The following RUNX1T1 variants were observed in gnomAD, a reference collection of about 807,000 sequenced individuals.
RUNX1T1 encodes protein CBFA2T1.
RUNX1T1 carries 4 observed loss-of-function variants against 62.8 expected under a neutral mutation model. The ratio of observed to expected loss-of-function variants is 0.06; its 90% CI spans 0.03 to 0.15. RUNX1T1 has a LOEUF of 0.15. Among genes scored for constraint, RUNX1T1 ranks in the 10% least tolerant of loss-of-function variants. The pLI, the probability that RUNX1T1 is intolerant of heterozygous loss-of-function variation, is 1.00. For missense variants in RUNX1T1, 508 were observed against 754.3 expected (o/e 0.67, Z 3.82); for synonymous variants, 291 against 286.0 (o/e 1.02, Z -0.18).
chr8:92,077,257 G>A (rs1455040889), intron 1 of RUNX1T1, among the ~76,000 whole-genome samples: 1 of 151,954 alleles, frequency 6.6e-6, no homozygotes, highest in African/African-American at 2.4e-5. Context: ...TTCTTAGTTG[G>A]GAATTGCCTT....
chr8:91,998,077 A>C (rs1000172065), intron 5 of RUNX1T1, among the ~76,000 whole-genome samples: 6 of 152,156 alleles, frequency 3.9e-5, no homozygotes, highest in Non-Finnish European at 7.3e-5. Flanking sequence ...ATTGCCATAG[A>C]ATGACTAGAC....
At chr8:91,980,353 A>C (rs1252822623) in intron 8 of RUNX1T1, among the ~76,000 whole-genome samples, 2 of 152,222 alleles carry the variant, frequency 1.3e-5, no homozygotes, top group South Asian at 4.1e-4. Flanking sequence ...GCAAATATAC[A>C]CAGAATAACT....
At chr8:92,011,633 T>C (rs957502265) in intron 3 of RUNX1T1, among the ~76,000 whole-genome samples, 3 of 152,186 alleles carry the variant, frequency 2.0e-5, no homozygotes, top group Non-Finnish European at 4.4e-5. Flanking sequence ...TAGTGTGCTA[T>C]GCCAATAAAG....
chr8:92,037,405 C>T (rs139566886), intron 1 of RUNX1T1, among the ~76,000 whole-genome samples: 5 of 152,262 alleles, frequency 3.3e-5, no homozygotes, highest in East Asian at 1.9e-4. Context: ...TCATCAGGTG[C>T]GGTGACTCAT....
intron 1 of RUNX1T1, among the ~76,000 whole-genome samples, chr8:92,079,589 T>G (rs1834925099): frequency 6.6e-6 from 1 of 152,182 alleles, no homozygotes; most frequent in Non-Finnish European, 1.5e-5. Flanking sequence ...ATTATCCTAG[T>G]TTCACAAGCT....
chr8:91,969,912 C>T (rs554639232), intron 10 of RUNX1T1, among the ~76,000 whole-genome samples: 43 of 152,018 alleles, frequency 2.8e-4, no homozygotes, highest in African/African-American at 9.9e-4. Context: ...TATTAATTAA[C>T]GTGGAGCATT....
intron 1 of RUNX1T1, among the ~76,000 whole-genome samples, chr8:92,081,075 G>A (rs1181977846): frequency 6.6e-6 from 1 of 152,160 alleles, no homozygotes; most frequent in East Asian, 1.9e-4. Context: ...ACGCACTCTG[G>A]CTGGATTGGA....
intron 5 of RUNX1T1, among the ~76,000 whole-genome samples, chr8:91,992,590 T>C (rs1817895211): frequency 6.6e-6 from 1 of 152,168 alleles, no homozygotes; most frequent in Non-Finnish European, 1.5e-5. Flanking sequence ...CCGTATGCAA[T>C]GCAATGTCTG....
downstream of RUNX1T1, chr8:91,955,762 G>A (rs1002365637): frequency 2.2e-5 from 5 of 225,366 alleles, no homozygotes; most frequent in African/African-American, 1.1e-4. Flanking sequence ...AGGAATTTCT[G>A]CTACAACACA....
chr8:92,001,410 C>T (rs1327333650), intron 5 of RUNX1T1, among the ~76,000 whole-genome samples: 1 of 152,060 alleles, frequency 6.6e-6, no homozygotes, highest in East Asian at 1.9e-4. Context: ...CTATAAGATC[C>T]CTCCCAGCTG....
At chr8:92,008,388 T>TCACACACACACACA (rs566293413) in intron 4 of RUNX1T1, among the ~76,000 whole-genome samples, 55 of 131,962 alleles carry the variant, frequency 4.2e-4, no homozygotes, top group Admixed American at 5.5e-4. Flanking sequence ...TCTCTCTCTC[T>TCACACACACACACA]CACACACACA....
intron 1 of RUNX1T1, among the ~76,000 whole-genome samples, chr8:92,048,275 A>G (rs2130315033): frequency 6.6e-6 from 1 of 152,278 alleles, no homozygotes; most frequent in East Asian, 1.9e-4. Flanking sequence ...TATAGGCCCT[A>G]TTTCCTTTCA....
chr8:92,102,714 C>T, upstream of RUNX1T1: 1 of 808,662 alleles, frequency 1.2e-6, no homozygotes, highest in Non-Finnish European at 1.8e-6. This position sits in a 1 kb window ranked among gnomAD's most constrained non-coding sequence, Gnocchi z 4.5. Flanking sequence ...TAGTCCTACC[C>T]TAATTGAGCG....
At chr8:92,095,585 T>G in intron 1 of RUNX1T1, 1 of 1,424,438 alleles carries the variant, frequency 7.0e-7, no homozygotes. Flanking sequence ...AGGGTGCGTG[T>G]GAGACGGAGC....
chr8:92,000,567 T>C (rs1382024219), intron 5 of RUNX1T1, among the ~76,000 whole-genome samples: 2 of 152,210 alleles, frequency 1.3e-5, no homozygotes, highest in Non-Finnish European at 2.9e-5. Context: ...TTTTTTCTTT[T>C]AGAAAGATAA....
At chr8:91,960,307 G>T (rs747791636) in exon 11 of RUNX1T1, 5 of 1,611,184 alleles carry the variant, frequency 3.1e-6, no homozygotes, top group Non-Finnish European at 4.2e-6. Flanking sequence ...GTGGCTGCTG[G>T]TGGTGTGTCC....
chr8:92,060,553 A>ATATATGTG, intron 1 of RUNX1T1, among the ~76,000 whole-genome samples: 6 of 63,948 alleles, frequency 9.4e-5, no homozygotes, highest in Admixed American at 3.3e-4. Context: ...ATATATATAT[A>ATATATGTG]TGTGTGTGTG....
At chr8:91,957,365 C>T (rs1205572001), downstream of RUNX1T1, 1 of 225,214 alleles carries the variant, frequency 4.4e-6, no homozygotes, top group Non-Finnish European at 8.8e-6. Flanking sequence ...TTGTTAGCTA[C>T]TGGTGCAATA....
intron 1 of RUNX1T1, among the ~76,000 whole-genome samples, chr8:92,060,872 C>T (rs1831917992): frequency 6.6e-6 from 1 of 151,752 alleles, no homozygotes; most frequent in Non-Finnish European, 1.5e-5. Context: ...ATAGTCACAG[C>T]TGTTAATATA....
Sources: gnomAD v4.1 joint callset for allele counts (sites outside exome capture counted in the v4.1 genomes callset) on GRCh38, gnomAD v4.1.1 for gene constraint, Gnocchi (gnomAD v3.1) non-coding constraint, MANE v1.5 for transcripts, NCBI Gene and HGNC (gene_info 2026-07-23, HGNC 2026-07-21) for gene names.